Variants in ZNF420 observed in about 807,000 individuals in gnomAD.
ZNF420 encodes the protein zinc finger protein 420, also known as ATM and p53-associated KZNF protein.
A neutral mutation model predicts 44.7 loss-of-function variants in ZNF420; 31 were observed. The ratio of observed to expected loss-of-function variants is 0.69; its 90% CI spans 0.52 to 0.94. ZNF420 has a LOEUF of 0.94. Among genes scored for constraint, ZNF420 ranks in the 40% least tolerant of loss-of-function variants. The pLI is 0.00. For synonymous variants in ZNF420, 245 were observed against 267.4 expected (o/e 0.92, Z 0.82); for missense variants, 681 against 827.9 (o/e 0.82, Z 2.18).
chr19:37,017,529 G>A (rs370799484), intron 1 of ZNF420, among the ~76,000 whole-genome samples: 22 of 152,088 alleles, frequency 1.4e-4, no homozygotes, highest in African/African-American at 4.1e-4. Flanking sequence ...AAATCCTAAC[G>A]TGTAATATAT....
chr19:37,011,374 T>C (rs1434519285), intron 1 of ZNF420, among the ~76,000 whole-genome samples: 3 of 152,124 alleles, frequency 2.0e-5, no homozygotes, highest in Non-Finnish European at 4.4e-5. Flanking sequence ...GGAAAGGCGG[T>C]GTCGCGTTTC....
chr19:37,125,775 T>G (rs542871267), intron 4 of ZNF420, among the ~76,000 whole-genome samples: 2 of 108,412 alleles, frequency 1.8e-5, no homozygotes, highest in East Asian at 5.5e-4. Context: ...GCAAGCAGTC[T>G]TGAATCACCA....
At chr19:37,059,318 A>G (rs1250271758) in intron 1 of ZNF420, among the ~76,000 whole-genome samples, 2 of 152,166 alleles carry the variant, frequency 1.3e-5, no homozygotes, top group South Asian at 2.1e-4. Context: ...CATTGTTTCA[A>G]GGGGCCGCAG....
At chr19:37,012,760 A>G (rs949316305) in intron 1 of ZNF420, among the ~76,000 whole-genome samples, 54 of 101,934 alleles carry the variant, frequency 5.3e-4, no homozygotes, top group Admixed American at 2.1e-3. Flanking sequence ...CCACTGCTAT[A>G]TGTCTCTGTG....
At chr19:37,007,953 C>A in exon 1 of ZNF420, 1 of 162,654 alleles carries the variant, frequency 6.1e-6, no homozygotes, top group South Asian at 1.5e-4. Flanking sequence ...TCCAGGAGGT[C>A]GACAGAACGA....
intron 1 of ZNF420, among the ~76,000 whole-genome samples, chr19:37,064,931 G>A (rs563544615): frequency 1.3e-4 from 20 of 152,302 alleles, no homozygotes; most frequent in Non-Finnish European, 1.5e-4. Context: ...ACCGGACCCA[G>A]GGGGCCATCA....
chr19:37,077,661 C>T (rs1484785367), upstream of ZNF420, among the ~76,000 whole-genome samples: 3 of 152,134 alleles, frequency 2.0e-5, no homozygotes, highest in African/African-American at 7.2e-5. Context: ...CACGATCACA[C>T]ACAGCTCATT....
intron 2 of ZNF420, among the ~76,000 whole-genome samples, chr19:37,088,253 G>GA (rs1373770822): frequency 6.6e-6 from 1 of 152,122 alleles, no homozygotes; most frequent in Non-Finnish European, 1.5e-5. Flanking sequence ...ACCATACCTG[G>GA]AAAAAATGTG....
At chr19:37,088,377 T>A (rs1968949291) in intron 2 of ZNF420, among the ~76,000 whole-genome samples, 1 of 152,232 alleles carries the variant, frequency 6.6e-6, no homozygotes, top group South Asian at 2.1e-4. Flanking sequence ...ATTAGCTGTA[T>A]CTTCCAGGAA....
chr19:37,065,281 A>G (rs2065218173), intron 1 of ZNF420, among the ~76,000 whole-genome samples: 3 of 152,190 alleles, frequency 2.0e-5, no homozygotes, highest in South Asian at 4.1e-4. Context: ...ACCCTTTAGC[A>G]TAGAGCTTGG....
At chr19:37,012,524 A>G (rs1406560614) in intron 1 of ZNF420, among the ~76,000 whole-genome samples, 1 of 152,188 alleles carries the variant, frequency 6.6e-6, no homozygotes, top group East Asian at 1.9e-4. Flanking sequence ...AGGTCCGACC[A>G]GGATGATGAA....
intron 1 of ZNF420, among the ~76,000 whole-genome samples, chr19:37,079,194 T>A (rs1009574271): frequency 6.6e-6 from 1 of 152,214 alleles, no homozygotes; most frequent in Non-Finnish European, 1.5e-5. Flanking sequence ...TGGGATTTTG[T>A]TTGAGACAAG....
At position 37,104,029 on chromosome 19, in the gene ZNF420, G is replaced by C. The variant is rs1044391628; in HGVS notation, c.136+12908G>C. On this transcript the variant is annotated intron_variant, in intron 4 of 4. Coordinates refer to ENST00000337995, the MANE Select transcript of ZNF420 (RefSeq NM_144689.5). ...AAGTTCTAGGGTACATGTGCACAACGTGCAGGTTTGTTACATATGTATACA... is the reference window on the plus strand; with the variant it reads ...AAGTTCTAGGGTACATGTGCACAACCTGCAGGTTTGTTACATATGTATACA... Among the ~76,000 whole-genome samples the C allele has an allele frequency of 2.8e-5, 4 of 144,502 alleles. No individual in the cohort carries two copies. In the South Asian group the frequency reaches 8.7e-4, roughly 31 times the overall value. 94.8% of individuals were successfully genotyped at this position (144,502 alleles called of 152,430 possible).
rs542040025 is a variant in ZNF420 at position 37,071,584 on chromosome 19, T to G, written c.-124-8761T>G. ...GGGAGGCCGAGGCAGGTGGATCACC[T>G]GAGGTCAGGAGTTCGATACCAGCCT... On this transcript the variant is annotated intron_variant, in intron 1 of 4. Transcript: ENST00000587029. Among the ~76,000 whole-genome samples, 3 of 152,292 alleles carry G rather than the reference T, an allele frequency of 2.0e-5. No individual in the cohort carries two copies. The East Asian group carries it at 5.8e-4, about 29-fold the overall frequency.
At chr19:37,057,475 T>C (rs1269464227) in intron 1 of ZNF420, among the ~76,000 whole-genome samples, 3 of 146,286 alleles carry the variant, frequency 2.1e-5, no homozygotes, top group African/African-American at 7.8e-5. Flanking sequence ...TCTCTGTCTC[T>C]CACTCTCTGT....
chr19:37,094,136 A>G (rs569883620), intron 4 of ZNF420, among the ~76,000 whole-genome samples: 4 of 152,318 alleles, frequency 2.6e-5, no homozygotes, highest in East Asian at 1.9e-4. Flanking sequence ...AGGTTTTTCA[A>G]ATGTTTAGCC....
intron 4 of ZNF420, chr19:37,091,942 A>AAT (rs1969176090): frequency 2.0e-5 from 3 of 151,828 alleles, no homozygotes; most frequent in Admixed American, 2.0e-4. Flanking sequence ...AAAACAAAAA[A>AAT]AAAAGAACTT....
rs532201866 is a variant in ZNF420, at chr19:37,087,338, A to T, written c.-80-1701A>T. Among the ~76,000 whole-genome samples, 154 of 150,708 alleles carry T rather than the reference A, an allele frequency of 1.0e-3. 2 individuals carry two copies. In the South Asian group the frequency reaches 0.015, roughly 15 times the overall value. ...ATAAATAAATAAATAAATAAATAAA[A>T]ATTAAGAGCTTGGCACTTTTTTGGA... On this transcript the variant is annotated intron_variant, in intron 2 of 4. Coordinates refer to ENST00000337995, the MANE Select transcript of ZNF420 (RefSeq NM_144689.5).
chr19:37,026,833 A>G (rs1967170247), intron 1 of ZNF420, among the ~76,000 whole-genome samples: 1 of 152,012 alleles, frequency 6.6e-6, no homozygotes, highest in African/African-American at 2.4e-5. Flanking sequence ...ACAAACAGAT[A>G]ATAATTCTAA....
Sources: allele counts gnomAD v4.1 joint callset (sites outside exome capture counted in the v4.1 genomes callset), GRCh38; gene constraint gnomAD v4.1.1; transcripts MANE v1.5; gene names NCBI Gene and HGNC (gene_info 2026-07-23, HGNC 2026-07-21).